Variants in BICC1 observed in about 807,000 individuals in gnomAD.
BICC1 encodes protein bicaudal C homolog 1.
BICC1 carries 43 observed loss-of-function variants against 111.0 expected under a neutral mutation model. That is an observed-to-expected ratio of 0.39 (90% CI 0.30 to 0.50). The LOEUF (loss-of-function observed/expected upper bound fraction) is 0.50. BICC1 is among the 20% of genes least tolerant of loss of function. The pLI is 0.88. For missense variants in BICC1, 1,091 were observed against 1,203.2 expected (o/e 0.91, Z 1.38); for synonymous variants, 467 against 434.4 (o/e 1.07, Z -0.93).
At chr10:58,796,632 C>G (rs999156191) in intron 10 of BICC1, 106 bp downstream of exon 10, 2 of 1,105,020 alleles carry the variant, frequency 1.8e-6, no homozygotes, top group Non-Finnish European at 2.5e-6. Context: ...TTTTTTTTTC[C>G]TTTGGGCTCT....
intron 3 of BICC1, among the ~76,000 whole-genome samples, chr10:58,747,854 G>A (rs1841878493): frequency 1.3e-5 from 2 of 152,088 alleles, no homozygotes; most frequent in African/African-American, 4.8e-5. Context: ...CCAGCTGCCT[G>A]TGTTTGTAAA....
At position 58,699,303 on chromosome 10, in the gene BICC1, C is replaced by T. The variant is rs937627722; in HGVS notation, c.238-2771C>T. ...GTCTTTGTGAACCCACTTCTCTGCA[C>T]GGTATAGACAGGGAGTTGTAGTGTG... On this transcript the variant is annotated intron_variant, in intron 2 of 20. Transcript: ENST00000373886. 7.2e-5 allele frequency among the ~76,000 whole-genome samples: 11 copies of T among 152,308 alleles called. No homozygotes were observed. In the South Asian group the frequency reaches 2.1e-3, roughly 29 times the overall value.
chr10:58,583,582 CTCTGTGTG>C (rs1257266097), intron 1 of BICC1, among the ~76,000 whole-genome samples: 61 of 69,550 alleles, frequency 8.8e-4, no homozygotes, highest in African/African-American at 2.6e-3. Flanking sequence ...TATTCTCTCT[CTCTGTGTG>C]TGTGTGTGTG....
intron 15 of BICC1, 73 bp downstream of exon 15, chr10:58,803,315 G>A: frequency 2.3e-6 from 3 of 1,312,482 alleles, no homozygotes; most frequent in Non-Finnish European, 3.0e-6. Flanking sequence ...TTCAGTGAGT[G>A]TTCAGCAGTA....
chr10:58,679,302 TAAGAC>T (rs1839441119), intron 2 of BICC1, among the ~76,000 whole-genome samples: 2 of 151,580 alleles, frequency 1.3e-5, no homozygotes, highest in South Asian at 2.1e-4. Context: ...GACTAATAAA[TAAGAC>T]AAGAGAGAAG....
intron 1 of BICC1, among the ~76,000 whole-genome samples, chr10:58,605,085 T>G (rs1845166185): frequency 1.3e-5 from 2 of 152,208 alleles, no homozygotes; most frequent in South Asian, 4.1e-4. Context: ...AGCATATGAC[T>G]ATGAAGGCAA....
chr10:58,542,276 G>A (rs930693489), intron 1 of BICC1, among the ~76,000 whole-genome samples: 1 of 151,734 alleles, frequency 6.6e-6, no homozygotes, highest in African/African-American at 2.4e-5. Flanking sequence ...AAGGCTACTA[G>A]TAGGGAAAGG....
chr10:58,754,157 T>C (rs1842072754), intron 3 of BICC1, among the ~76,000 whole-genome samples: 3 of 152,358 alleles, frequency 2.0e-5, no homozygotes, highest in South Asian at 4.1e-4. Context: ...TGGTTTTGAC[T>C]GCCAGATGGA....
intron 1 of BICC1, among the ~76,000 whole-genome samples, chr10:58,529,328 T>C (rs1013996712): frequency 6.6e-6 from 1 of 151,886 alleles, no homozygotes; most frequent in Non-Finnish European, 1.5e-5. Flanking sequence ...AAAATTTCAA[T>C]AAAAAATACA....
intron 3 of BICC1, among the ~76,000 whole-genome samples, chr10:58,758,168 T>A (rs1842199100): frequency 6.6e-6 from 1 of 152,202 alleles, no homozygotes; most frequent in East Asian, 1.9e-4. Flanking sequence ...TTTTTTTTGG[T>A]TGGAAAAATA....
At chr10:58,601,142 ATATATATATATATATAT>A (rs1845016657) in intron 1 of BICC1, among the ~76,000 whole-genome samples, 2 of 119,520 alleles carry the variant, frequency 1.7e-5, no homozygotes, top group South Asian at 6.1e-4. Context: ...TTTAAAACTT[ATATATATATATATATAT>A]ATATATATAT....
chr10:58,818,426 T>C (rs1844162132), intron 19 of BICC1, among the ~76,000 whole-genome samples: 2 of 152,170 alleles, frequency 1.3e-5, no homozygotes, highest in African/African-American at 4.8e-5. Context: ...TTTCTATACA[T>C]TTGTGTCTTT....
At position 58,645,521 on chromosome 10, in the gene BICC1, A is replaced by T. The variant is rs539327813; in HGVS notation, c.237+24620A>T. ...GATGAACGTGCTTTCAAAAATTGCC[A>T]GTAGTTGCTAGGCAGACTTCAACAA... is the stretch of plus-strand genomic sequence containing the variant. On this transcript the variant is annotated intron_variant, in intron 2 of 20. Transcript: ENST00000373886. 2.0e-5 allele frequency among the ~76,000 whole-genome samples: 3 copies of T among 152,096 alleles called. No individual in the cohort carries two copies. The South Asian group carries it at 6.2e-4, about 32-fold the overall frequency.
At chr10:58,682,447 T>A (rs1168631607) in intron 2 of BICC1, among the ~76,000 whole-genome samples, 1 of 152,212 alleles carries the variant, frequency 6.6e-6, no homozygotes, top group African/African-American at 2.4e-5. Flanking sequence ...TGCCACACTG[T>A]CTTCCACAGT....
chr10:58,576,013 GTTAT>G (rs747288260), intron 1 of BICC1, among the ~76,000 whole-genome samples: 6 of 152,098 alleles, frequency 3.9e-5, no homozygotes, highest in African/African-American at 4.8e-5. Flanking sequence ...CTTTAAATAG[GTTAT>G]TTGAGGACAG....
intron 2 of BICC1, among the ~76,000 whole-genome samples, chr10:58,621,970 A>AGAAT (rs1588940629): frequency 2.2e-5 from 3 of 133,752 alleles, no homozygotes; most frequent in Admixed American, 7.5e-5. Flanking sequence ...AGAATAGAAT[A>AGAAT]ATCCAGCCTG....
chr10:58,530,614 A>T (rs1218492828), intron 1 of BICC1, among the ~76,000 whole-genome samples: 4 of 151,102 alleles, frequency 2.6e-5, no homozygotes, highest in Admixed American at 1.3e-4. Context: ...GCCTCGCTGG[A>T]ATCAGAGATG....
At chr10:58,584,880 C>G (rs1395700801) in intron 1 of BICC1, among the ~76,000 whole-genome samples, 1 of 151,636 alleles carries the variant, frequency 6.6e-6, no homozygotes, top group African/African-American at 2.4e-5. Context: ...TTTACAAAGA[C>G]TAACCAGTCA....
chr10:58,580,949 T>A (rs1844264306), intron 1 of BICC1, among the ~76,000 whole-genome samples: 1 of 152,194 alleles, frequency 6.6e-6, no homozygotes, highest in South Asian at 2.1e-4. Context: ...AACCTTTGTA[T>A]TTTATTTAGA....
Sources: allele counts gnomAD v4.1 joint callset (sites outside exome capture counted in the v4.1 genomes callset), GRCh38; gene constraint gnomAD v4.1.1; transcripts MANE v1.5; gene names NCBI Gene and HGNC (gene_info 2026-07-23, HGNC 2026-07-21).